Variants in GSAP observed in about 807,000 individuals in gnomAD.
GSAP encodes the protein gamma-secretase activating protein.
GSAP carries 118 observed loss-of-function variants against 131.7 expected under a neutral mutation model. The ratio of observed to expected loss-of-function variants is 0.90; its 90% CI spans 0.77 to 1.04. The LOEUF (loss-of-function observed/expected upper bound fraction) is 1.04. Ranked by LOEUF, GSAP falls within the 50% of genes least tolerant of loss-of-function variation. GSAP has a pLI of 0.00. For missense variants in GSAP, 1,019 were observed against 1,013.2 expected (o/e 1.01, Z -0.08); for synonymous variants, 381 against 363.4 (o/e 1.05, Z -0.55).
chr7:77,402,421 T>C (rs899559215), intron 3 of GSAP, among the ~76,000 whole-genome samples: 11 of 143,604 alleles, frequency 7.7e-5, no homozygotes, highest in Non-Finnish European at 1.7e-4. Context: ...AATATATATA[T>C]ATACACACAC....
rs759012113 is a variant in GSAP at position 77,377,237 on chromosome 7, T to TGTAAAAAAAAAAAA, written c.681+48_681+49insTTTTTTTTTTTTAC. The TGTAAAAAAAAAAAA allele has an allele frequency of 2.6e-5, 23 of 894,470 alleles. No individual in the cohort carries two copies. In the African/African-American group the frequency reaches 4.9e-4, roughly 19 times the overall value. 55.4% of individuals were successfully genotyped at this position (894,470 alleles called of 1,614,324 possible). ...GTCTCTAAAAAAATTAATATTTTTG[T>TGTAAAAAAAAAAAA]AAAAAAAAAAAAAAAAAAAAAGGAG... On this transcript the variant is annotated intron_variant, in intron 9 of 30. Coordinates refer to ENST00000257626, the MANE Select transcript of GSAP (RefSeq NM_017439.4).
Position 77,358,694 on chromosome 7 carries a change from CTAAT to C in GSAP, c.1027+2126_1027+2129del, listed in dbSNP as rs1448095585. Among the ~76,000 whole-genome samples the C allele has an allele frequency of 2.6e-5, 4 of 152,278 alleles. No individual in the cohort carries two copies. The East Asian group carries it at 5.8e-4, about 22-fold the overall frequency. ...CTCTAGGATTGTAACACTGACAACACTAATTATCTTTTCTAGTTTGGGCAGTTAT... is the reference window on the plus strand; with the variant it reads ...CTCTAGGATTGTAACACTGACAACACTATCTTTTCTAGTTTGGGCAGTTAT... On this transcript the variant is annotated intron_variant, in intron 14 of 30. Transcript: ENST00000257626.
At chr7:77,368,624 T>C (rs1460792079) in intron 12 of GSAP, among the ~76,000 whole-genome samples, 4 of 152,240 alleles carry the variant, frequency 2.6e-5, no homozygotes, top group African/African-American at 7.2e-5. Context: ...AGAACCACTT[T>C]TGAAATCAGC....
chr7:77,349,429 C>T (rs755255274), intron 18 of GSAP, 25 bp from the exon 19 acceptor site: 2 of 1,600,550 alleles, frequency 1.2e-6, no homozygotes, highest in Non-Finnish European at 1.7e-6. Flanking sequence ...AACACACACA[C>T]ACAGCTGCTC....
chr7:77,395,367 C>T (rs1800195720), intron 5 of GSAP, among the ~76,000 whole-genome samples: 1 of 152,060 alleles, frequency 6.6e-6, no homozygotes, highest in Admixed American at 6.6e-5. Flanking sequence ...GTCTATTAGC[C>T]CAAAGGTCAC....
In GSAP at chr7:77,352,932, G is replaced by C; in HGVS notation, c.1491+12C>G. The C allele has an allele frequency of 6.7e-7, 1 of 1,484,820 alleles. No individual in the cohort carries two copies. Among genetic ancestry groups the C allele is most frequent in the Non-Finnish European group, 9.4e-7 (1 of 1,062,406 alleles). The allele number at this position is 1,484,820 out of a possible 1,614,324, so 92.0% of individuals were successfully genotyped here. A position where few individuals can be genotyped will look rare whatever the true frequency, so the allele number is the denominator to read the frequency against. On this transcript the variant is annotated intron_variant, in intron 18 of 30. Transcript: ENST00000257626. Reference sequence around the variant, plus strand: ...ATTTTATTTGCATACAGCATACACAGTGTTAACTTACTGTATTCCAAGTGA... The same window carrying C: ...ATTTTATTTGCATACAGCATACACACTGTTAACTTACTGTATTCCAAGTGA...
At chr7:77,351,152 G>C in intron 18 of GSAP, 8 of 979,804 alleles carry the variant, frequency 8.2e-6, no homozygotes, top group Non-Finnish European at 9.7e-6. Context: ...AAACAACTAA[G>C]TTCTTCAATG....
chr7:77,397,777 A>G (rs1398593748), intron 3 of GSAP, among the ~76,000 whole-genome samples: 3 of 152,210 alleles, frequency 2.0e-5, no homozygotes, highest in Non-Finnish European at 2.9e-5. Context: ...AATAGGAATC[A>G]TAACATCTAC....
At chr7:77,397,574 C>T (rs545786800) in intron 3 of GSAP, among the ~76,000 whole-genome samples, 159 bp from the exon 4 acceptor site, 1 of 152,102 alleles carries the variant, frequency 6.6e-6, no homozygotes, top group Non-Finnish European at 1.5e-5. Context: ...TTCCAGAGTA[C>T]TCTTTACCAA....
At chr7:77,351,550 G>A (rs1584428420) in intron 18 of GSAP, 1 of 985,322 alleles carries the variant, frequency 1.0e-6, no homozygotes, top group African/African-American at 1.7e-5. Context: ...CCAACCACAA[G>A]AAGTTTAAAG....
chr7:77,416,152 G>C (rs934339681), intron 1 of GSAP, 61 bp downstream of exon 1: 2 of 974,752 alleles, frequency 2.1e-6, no homozygotes, highest in Middle Eastern at 3.4e-4. Context: ...GTCGGAGTCC[G>C]GGGGGTATGA....
chr7:77,355,725 G>A, intron 14 of GSAP, 78 bp from the exon 15 acceptor site: 1 of 801,218 alleles, frequency 1.2e-6, no homozygotes, highest in Non-Finnish European at 2.1e-6. Context: ...ATCCCTGCTT[G>A]TCTCTGAATA....
rs148611085 is a variant in GSAP, at chr7:77,327,848, T to TC, written c.1765+757dup. ...TCCAGCCATCCCCGCTCCTAACCTATCCTCTCACTCCCCGCACCTATGGAT... is the reference window on the plus strand; with the variant it reads ...TCCAGCCATCCCCGCTCCTAACCTATCCCTCTCACTCCCCGCACCTATGGAT... On this transcript the variant is annotated intron_variant, in intron 22 of 30. Coordinates refer to ENST00000257626, the MANE Select transcript of GSAP (RefSeq NM_017439.4). Among the ~76,000 whole-genome samples the TC allele has an allele frequency of 8.3e-3, 1,264 of 152,148 alleles. 15 individuals are homozygous for TC. The highest frequency in any genetic ancestry group is 0.028 in the African/African-American group (1,171 of 41,500).
intron 18 of GSAP, among the ~76,000 whole-genome samples, chr7:77,351,841 G>T (rs1159605016): frequency 6.6e-6 from 1 of 152,324 alleles, no homozygotes; most frequent in African/African-American, 2.4e-5. Context: ...AACAGCAGGG[G>T]GTTGGTAAGG....
chr7:77,367,439 CT>C (rs1795489667), intron 12 of GSAP, among the ~76,000 whole-genome samples: 1 of 152,106 alleles, frequency 6.6e-6, no homozygotes, highest in African/African-American at 2.4e-5. Context: ...TATCGAAAGC[CT>C]TTTCTGCATC....
intron 23 of GSAP, 92 bp downstream of exon 23, chr7:77,326,120 A>T: frequency 1.2e-6 from 1 of 843,662 alleles, no homozygotes; most frequent in Non-Finnish European, 1.9e-6. Context: ...AGAATAAAGA[A>T]TAAGATCAGA....
rs1254195366 is a variant in GSAP, at chr7:77,410,273, G to C, written c.110-4168C>G. Among the ~76,000 whole-genome samples, 3 of 152,168 alleles carry C rather than the reference G, an allele frequency of 2.0e-5. No individual in the cohort carries two copies. The East Asian group carries it at 5.8e-4, about 29-fold the overall frequency. ...TCACATTTCAAGGACATGTGAAATA[G>C]ACAAATTTGGTAATGTTGCAAATCC... On this transcript the variant is annotated intron_variant, in intron 1 of 30. Coordinates refer to ENST00000257626, the MANE Select transcript of GSAP (RefSeq NM_017439.4).
chr7:77,348,260 A>G (rs1303484145), intron 19 of GSAP, among the ~76,000 whole-genome samples: 1 of 152,222 alleles, frequency 6.6e-6, no homozygotes, highest in Non-Finnish European at 1.5e-5. Flanking sequence ...AATGGGTGGA[A>G]TCTTTTAAAA....
chr7:77,369,956 T>A (rs895063855), intron 12 of GSAP, among the ~76,000 whole-genome samples: 1 of 152,118 alleles, frequency 6.6e-6, no homozygotes, highest in Admixed American at 6.5e-5. Context: ...TTTCTACCCT[T>A]CCACACACTG....
Sources: allele counts gnomAD v4.1 joint callset (sites outside exome capture counted in the v4.1 genomes callset), GRCh38; gene constraint gnomAD v4.1.1; transcripts MANE v1.5; gene names NCBI Gene and HGNC (gene_info 2026-07-23, HGNC 2026-07-21).